Variants in RNF121 observed in about 807,000 individuals in gnomAD.
RNF121 encodes E3 ubiquitin ligase RNF121.
Under a neutral mutation model 46.5 loss-of-function variants are expected in RNF121, and 21 were observed. The observed-to-expected ratio is 0.45, with a 90% CI of 0.32 to 0.65. The LOEUF (loss-of-function observed/expected upper bound fraction) is 0.65, where lower values mean the gene tolerates loss of function less well. RNF121 is among the 30% of genes least tolerant of loss of function. The pLI is 0.04. For synonymous variants in RNF121, 139 were observed against 144.7 expected, an observed-to-expected ratio of 0.96 and a Z score of 0.28; for missense variants, 346 against 416.0, an observed-to-expected ratio of 0.83 and a Z score of 1.46.
chr11:71,946,073 T>G (rs549302038), intron 1 of RNF121, among the ~76,000 whole-genome samples: 1 of 151,708 alleles, frequency 6.6e-6, no homozygotes, highest in East Asian at 1.9e-4. Context: ...TTTGTGCCAC[T>G]GCACTCCAGC....
intron 3 of RNF121, among the ~76,000 whole-genome samples, chr11:71,971,883 A>G (rs528970471): frequency 1.2e-4 from 19 of 152,346 alleles, no homozygotes; most frequent in African/African-American, 3.8e-4. Flanking sequence ...GTCAGCGAAT[A>G]TACACATACC....
chr11:71,946,914 C>A (rs1953739213), intron 1 of RNF121, among the ~76,000 whole-genome samples: 1 of 137,928 alleles, frequency 7.3e-6, no homozygotes, highest in East Asian at 2.1e-4. Flanking sequence ...GTCACCCAGG[C>A]TGGAGTGCAG....
chr11:71,945,428 T>C (rs953296820), intron 1 of RNF121, among the ~76,000 whole-genome samples: 2 of 152,260 alleles, frequency 1.3e-5, no homozygotes, highest in African/African-American at 4.8e-5. Flanking sequence ...TCTTCTGCAA[T>C]ATCATCCCCA....
intron 2 of RNF121, among the ~76,000 whole-genome samples, chr11:71,959,958 T>C (rs1954091423): frequency 6.6e-6 from 1 of 152,116 alleles, no homozygotes; most frequent in Admixed American, 6.6e-5. Flanking sequence ...CTCATTCCTC[T>C]CCTTTGGATG....
chr11:71,967,027 G>A (rs1441268060), intron 3 of RNF121, among the ~76,000 whole-genome samples: 4 of 146,934 alleles, frequency 2.7e-5, no homozygotes, highest in African/African-American at 4.9e-5. Flanking sequence ...ACCCGCCACC[G>A]CGCCCGGCTA....
intron 5 of RNF121, 78 bp downstream of exon 5, chr11:71,987,189 T>C: frequency 1.0e-6 from 1 of 966,980 alleles, no homozygotes; most frequent in Non-Finnish European, 1.7e-6. Context: ...TTGCAAGTCG[T>C]GGTTATTAAC....
intron 1 of RNF121, among the ~76,000 whole-genome samples, chr11:71,945,704 A>T (rs926968726): frequency 6.6e-6 from 1 of 152,272 alleles, no homozygotes; most frequent in Non-Finnish European, 1.5e-5. Context: ...CAGATCCACT[A>T]GGATGGCTAA....
intron 1 of RNF121, among the ~76,000 whole-genome samples, chr11:71,951,205 G>A (rs1444592158): frequency 1.7e-4 from 7 of 40,612 alleles, no homozygotes; most frequent in East Asian, 4.4e-4. Context: ...GCAAAACTCC[G>A]TCTCAAAAAA....
chr11:71,948,585 G>T (rs1953784099), intron 1 of RNF121, among the ~76,000 whole-genome samples: 1 of 151,450 alleles, frequency 6.6e-6, no homozygotes. Context: ...CTGATGAGGG[G>T]TGGGGGTAAA....
intron 2 of RNF121, among the ~76,000 whole-genome samples, chr11:71,959,260 C>T (rs1310250605): frequency 4.6e-5 from 7 of 152,196 alleles, no homozygotes; most frequent in Non-Finnish European, 1.0e-4. Context: ...CTCTGCCCAC[C>T]AAGTTTTCCC....
intron 1 of RNF121, among the ~76,000 whole-genome samples, chr11:71,956,116 C>G (rs992873598): frequency 6.6e-6 from 1 of 152,170 alleles, no homozygotes; most frequent in Non-Finnish European, 1.5e-5. Context: ...GTTACTATTT[C>G]AAATGTTCAA....
chr11:71,990,802 G>C (rs1169542336), intron 6 of RNF121, 85 bp downstream of exon 6: 3 of 1,515,200 alleles, frequency 2.0e-6, no homozygotes, highest in Admixed American at 1.9e-5. Context: ...GGAAGAGAAA[G>C]GCACTAGGGT....
intron 1 of RNF121, among the ~76,000 whole-genome samples, chr11:71,937,627 A>G (rs563457686): frequency 3.3e-5 from 5 of 152,306 alleles, no homozygotes; most frequent in African/African-American, 1.2e-4. Flanking sequence ...GAATGCCTCT[A>G]TTGGAGTGTC....
At chr11:71,940,343 G>GA (rs944833292) in intron 1 of RNF121, among the ~76,000 whole-genome samples, 10 of 152,132 alleles carry the variant, frequency 6.6e-5, no homozygotes, top group Non-Finnish European at 1.2e-4. Flanking sequence ...TTTTCCGGTA[G>GA]AAAAAAACAA....
intron 5 of RNF121, among the ~76,000 whole-genome samples, chr11:71,988,017 A>G (rs1371338275): frequency 6.6e-6 from 1 of 152,234 alleles, no homozygotes; most frequent in Non-Finnish European, 1.5e-5. Context: ...GACATTCGAC[A>G]AGATTTCTAA....
chr11:71,983,247 A>G lies in RNF121; in HGVS notation c.398+332A>G, dbSNP rs187477858. On this transcript the variant is annotated intron_variant, in intron 4 of 8. Transcript: ENST00000361756. The stretch of plus-strand genomic sequence containing the variant: ...CTCTGATCTCTAAATTAGATTTTCC[A>G]TTATATTCTGTCATTGCACAGTAGT... 348 of 181,520 alleles carry G rather than the reference A, an allele frequency of 1.9e-3. 2 individuals carry two copies. The highest frequency in any genetic ancestry group is 7.6e-3 in the African/African-American group (325 of 42,858). The allele number at this position is 181,520 out of a possible 1,614,324, so 11.2% of individuals were successfully genotyped here.
At chr11:71,944,554 C>A (rs2134157450) in intron 1 of RNF121, among the ~76,000 whole-genome samples, 1 of 152,198 alleles carries the variant, frequency 6.6e-6, no homozygotes, top group South Asian at 2.1e-4. Context: ...GAGCTGGGAG[C>A]AGAGGAAGGT....
At chr11:71,933,844 GT>G (rs1953334151) in intron 1 of RNF121, among the ~76,000 whole-genome samples, 1 of 152,194 alleles carries the variant, frequency 6.6e-6, no homozygotes, top group African/African-American at 2.4e-5. Context: ...TTGATTAATA[GT>G]ATGATAGCTA....
At chr11:71,955,680 A>G (rs1953974057) in intron 1 of RNF121, among the ~76,000 whole-genome samples, 1 of 152,238 alleles carries the variant, frequency 6.6e-6, no homozygotes, top group South Asian at 2.1e-4. Context: ...GGGACAATTA[A>G]TAGATAGGCT....
Sources: allele counts gnomAD v4.1 joint callset (sites outside exome capture counted in the v4.1 genomes callset), GRCh38; gene constraint gnomAD v4.1.1; transcripts MANE v1.5; gene names NCBI Gene and HGNC (gene_info 2026-07-23, HGNC 2026-07-21).